ASCC1: variants seen among roughly 807,000 people sequenced by gnomAD.
ASCC1 encodes ASC-1 complex subunit P50.
A neutral mutation model predicts 46.6 loss-of-function variants in ASCC1; 35 were observed. The ratio of observed to expected loss-of-function variants is 0.75; its 90% confidence interval spans 0.57 to 0.99. ASCC1 has a LOEUF of 0.99. ASCC1 is among the 50% of genes least tolerant of loss of function. The pLI is 0.00. For synonymous variants in ASCC1, 143 were observed against 146.6 expected, an observed-to-expected ratio of 0.98 and a Z score of 0.18; for missense variants, 376 against 428.7, an observed-to-expected ratio of 0.88 and a Z score of 1.09.
intron 7 of ASCC1, among the ~76,000 whole-genome samples, chr10:72,149,382 A>G (rs148298844): frequency 5.7e-4 from 83 of 145,896 alleles, no homozygotes; most frequent in East Asian, 1.6e-3. Context: ...AGCTTGCAGT[A>G]AGCCTAGATC....
chr10:72,176,239 G>A (rs1348333051), intron 5 of ASCC1, among the ~76,000 whole-genome samples: 1 of 152,002 alleles, frequency 6.6e-6, no homozygotes, highest in Non-Finnish European at 1.5e-5. Context: ...TACCTGCCTT[G>A]GTGCCCAACT....
At chr10:72,128,714 A>G (rs1230658793) in intron 8 of ASCC1, among the ~76,000 whole-genome samples, 2 of 152,226 alleles carry the variant, frequency 1.3e-5, no homozygotes, top group African/African-American at 4.8e-5. Context: ...AATGCAGCAA[A>G]TCTATGACCT....
chr10:72,125,633 T>C (rs1844775466), intron 9 of ASCC1, among the ~76,000 whole-genome samples: 1 of 152,210 alleles, frequency 6.6e-6, no homozygotes. Flanking sequence ...GGGAGGTAAC[T>C]GTTGGAGCCC....
At chr10:72,142,976 A>G (rs1339662153) in intron 7 of ASCC1, among the ~76,000 whole-genome samples, 1 of 151,850 alleles carries the variant, frequency 6.6e-6, no homozygotes, top group Non-Finnish European at 1.5e-5. Flanking sequence ...CCTGGCTAAC[A>G]TGGTGAAACC....
At chr10:72,119,605 C>G (rs546301828) in intron 9 of ASCC1, among the ~76,000 whole-genome samples, 1 of 152,192 alleles carries the variant, frequency 6.6e-6, no homozygotes, top group East Asian at 1.9e-4. Flanking sequence ...CACAGAATTA[C>G]AGAACACTTC....
At chr10:72,183,583 A>T (rs1215667909) in intron 5 of ASCC1, among the ~76,000 whole-genome samples, 12 of 151,944 alleles carry the variant, frequency 7.9e-5, no homozygotes, top group Non-Finnish European at 1.5e-5. Flanking sequence ...CCAGAGGTGG[A>T]GGTTGCAGTA....
At chr10:72,137,587 G>A (rs115124071) in intron 7 of ASCC1, among the ~76,000 whole-genome samples, 4,203 of 149,112 alleles carry the variant, frequency 0.028, 189 homozygotes, top group African/African-American at 0.098. Flanking sequence ...CTAAAAGCAC[G>A]GAAACCAATT....
chr10:72,126,890 A>G (rs778416954), intron 9 of ASCC1, among the ~76,000 whole-genome samples: 2 of 152,202 alleles, frequency 1.3e-5, no homozygotes, highest in African/African-American at 2.4e-5. Flanking sequence ...AAGAGAAAAC[A>G]TATCAAGGAA....
At chr10:72,163,726 C>T (rs376243455) in intron 5 of ASCC1, among the ~76,000 whole-genome samples, 10 of 151,646 alleles carry the variant, frequency 6.6e-5, no homozygotes, top group African/African-American at 2.2e-4. Flanking sequence ...CAGAGTGAGA[C>T]TCACTCTGTC....
rs1845791915 is a variant in ASCC1 at position 72,133,115 on chromosome 10, C to A, written c.813G>T (p.Trp271Cys). 1.2e-6 allele frequency: 2 copies of A among 1,613,906 alleles called. No homozygotes were observed. The highest frequency in any genetic ancestry group is 3.3e-5 in the Admixed American group (2 of 60,004). The stretch of plus-strand genomic sequence containing the variant: ...CTGTAGCATGCAGTTTCACACTATT[C>A]CACTCTTTCACTATTAGTCCAGATG... ...FQASGLIVKE[W>C]NSVKLHATVM... is the part of the protein sequence containing the mutation. The change falls in exon 8 of 10, where the codon TGG (tryptophan) becomes TGT (cysteine). Residue 271 changes from tryptophan to cysteine, a missense_variant. By Grantham distance (215) the Trp-to-Cys change is radical. Coordinates refer to ENST00000672957, the MANE Select transcript of ASCC1 (RefSeq NM_001198800.3).
Position 72,188,043 on chromosome 10 carries a change from T to C in ASCC1, c.489+8768A>G, listed in dbSNP as rs1250706580. On this transcript the variant is annotated intron_variant, in intron 5 of 9. Transcript: ENST00000672957. The stretch of plus-strand genomic sequence containing the variant: ...CCCAATCTGAATCTATTCACCTACA[T>C]AGCCCTCTTCATAAATAAGCAATTT... Among the ~76,000 whole-genome samples, 8 of 151,302 alleles carry C rather than the reference T, an allele frequency of 5.3e-5. No individual in the cohort carries two copies. The East Asian group carries it at 9.7e-4, about 18-fold the overall frequency.
intron 3 of ASCC1, among the ~76,000 whole-genome samples, chr10:72,206,405 C>A (rs1214172839): frequency 5.3e-5 from 8 of 149,590 alleles, no homozygotes; most frequent in Admixed American, 4.0e-4. Flanking sequence ...ACTCCCGTCT[C>A]AAAAAAAAAT....
At chr10:72,187,005 T>G (rs1853559516) in intron 5 of ASCC1, among the ~76,000 whole-genome samples, 1 of 151,688 alleles carries the variant, frequency 6.6e-6, no homozygotes, top group South Asian at 2.1e-4. Context: ...ATACCTGGTA[T>G]TTGTATCCTT....
intron 7 of ASCC1, among the ~76,000 whole-genome samples, chr10:72,140,709 C>T (rs1160010242): frequency 2.0e-5 from 3 of 152,006 alleles, no homozygotes; most frequent in African/African-American, 7.2e-5. Flanking sequence ...TTCACTTCAC[C>T]CATCTGTAAG....
At chr10:72,203,581 C>G (rs997507730) in intron 3 of ASCC1, 57 bp from the exon 4 acceptor site, 29 of 1,235,616 alleles carry the variant, frequency 2.3e-5, no homozygotes, top group Admixed American at 3.4e-5. Flanking sequence ...AATAAAGAAC[C>G]TCATTATGTT....
intron 4 of ASCC1, 56 bp from the exon 5 acceptor site, chr10:72,197,045 C>T: frequency 6.3e-7 from 1 of 1,576,214 alleles, no homozygotes; most frequent in Admixed American, 1.7e-5. Context: ...GCTTATAAAA[C>T]AGGACCTCTT....
chr10:72,144,390 T>C (rs980567387), intron 7 of ASCC1, among the ~76,000 whole-genome samples: 2 of 152,250 alleles, frequency 1.3e-5, no homozygotes, highest in African/African-American at 4.8e-5. Context: ...TGTAGACATG[T>C]CACTTATTAA....
chr10:72,164,675 C>T (rs1035941103), intron 5 of ASCC1, among the ~76,000 whole-genome samples: 1 of 152,168 alleles, frequency 6.6e-6, no homozygotes, highest in East Asian at 1.9e-4. Flanking sequence ...GGTCACATGG[C>T]AATTCTATGT....
intron 9 of ASCC1, among the ~76,000 whole-genome samples, chr10:72,098,375 T>C (rs976248929): frequency 2.6e-5 from 4 of 152,258 alleles, no homozygotes; most frequent in Non-Finnish European, 4.4e-5. Context: ...GGTTGTTTTT[T>C]AGAGATAGGG....
Sources: gnomAD v4.1 joint callset for allele counts (sites outside exome capture counted in the v4.1 genomes callset) on GRCh38, gnomAD v4.1.1 for gene constraint, MANE v1.5 for transcripts, NCBI Gene and HGNC (gene_info 2026-07-23, HGNC 2026-07-21) for gene names.